The following MORC3 variants were observed in gnomAD, a reference collection of about 807,000 sequenced individuals.
The protein encoded by MORC3 is MORC family CW-type zinc finger protein 3.
Under a neutral mutation model 109.1 loss-of-function variants are expected in MORC3, and 31 were observed. The observed-to-expected ratio is 0.28, with a 90% CI of 0.21 to 0.38. MORC3 has a LOEUF of 0.38. MORC3 is among the 10% of genes least tolerant of loss of function. MORC3 has a pLI of 1.00. For missense variants in MORC3, 867 were observed against 1,135.8 expected, an observed-to-expected ratio of 0.76 and a Z score of 3.40; for synonymous variants, 395 against 380.7, an observed-to-expected ratio of 1.04 and a Z score of -0.44.
At chr21:36,339,031 C>A (rs2085406020) in intron 5 of MORC3, 110 bp downstream of exon 5, 3 of 1,252,644 alleles carry the variant, frequency 2.4e-6, no homozygotes, top group East Asian at 2.4e-5. Flanking sequence ...GAAAGGTACT[C>A]ATTTTTTGGT....
At chr21:36,353,291 A>G (rs2085596452) in intron 9 of MORC3, among the ~76,000 whole-genome samples, 2 of 129,834 alleles carry the variant, frequency 1.5e-5, no homozygotes, top group South Asian at 5.6e-4. Flanking sequence ...AGGGAGTCGG[A>G]GGTTGCAGTG....
intron 1 of MORC3, chr21:36,320,563 C>T (rs936275843): frequency 3.0e-5 from 10 of 330,822 alleles, no homozygotes; most frequent in African/African-American, 2.0e-4. Context: ...CTCCCAGCTC[C>T]CTCCTAGTCT....
intron 5 of MORC3, among the ~76,000 whole-genome samples, chr21:36,340,635 TTTC>T (rs1325565435): frequency 7.7e-5 from 7 of 91,486 alleles, no homozygotes; most frequent in Admixed American, 2.7e-4. Flanking sequence ...TCTTTCTTTC[TTTC>T]TTTTTTTTTT....
chr21:36,356,745 TA>T, intron 10 of MORC3, 21 bp downstream of exon 10: 1 of 1,414,608 alleles, frequency 7.1e-7, no homozygotes, highest in Non-Finnish European at 9.8e-7. Context: ...TTTTAAAACA[TA>T]TCATTTCACT....
intron 9 of MORC3, among the ~76,000 whole-genome samples, chr21:36,355,064 C>A (rs1463274326): frequency 6.6e-6 from 1 of 152,154 alleles, no homozygotes; most frequent in Non-Finnish European, 1.5e-5. Context: ...ACAGCTTTTT[C>A]TGTACTTAAT....
At chr21:36,362,798 A>G (rs896534850) in intron 13 of MORC3, among the ~76,000 whole-genome samples, 1 of 152,066 alleles carries the variant, frequency 6.6e-6, no homozygotes, top group Non-Finnish European at 1.5e-5. Context: ...CTTCTCTTGT[A>G]CTTCTGCTTG....
chr21:36,368,918 G>T (rs2085813241), intron 14 of MORC3, 70 bp from the exon 15 acceptor site: 5 of 1,339,164 alleles, frequency 3.7e-6, no homozygotes, highest in Non-Finnish European at 5.0e-6. Context: ...TTGTTAGAAT[G>T]ATTACTTCAA....
intron 15 of MORC3, among the ~76,000 whole-genome samples, chr21:36,370,824 A>G (rs113346422): frequency 0.047 from 7,056 of 151,260 alleles, 526 homozygotes; most frequent in African/African-American, 0.16. Flanking sequence ...ACATGCCACC[A>G]TGCCCGGCTA....
rs201094724 is a variant in MORC3, at chr21:36,360,258, C to G, written c.1406C>G (p.Thr469Ser). 5 of 1,612,326 alleles carry G rather than the reference C, an allele frequency of 3.1e-6. No individual in the cohort carries two copies. The African/African-American group carries it at 6.7e-5, about 22-fold the overall frequency. Residue 469 changes from threonine to serine, a missense_variant and splice_region_variant, in exon 12 of 17, where the codon ACC (threonine) becomes AGC (serine). By Grantham distance (58) the Thr-to-Ser change is moderately conservative. Coordinates refer to ENST00000400485, the MANE Select transcript of MORC3 (RefSeq NM_015358.3). The stretch of plus-strand genomic sequence containing the variant: ...ACTTATGAAAAAACCTACAAAAAGA[C>G]GTGAGTGTTGTATTGATGTATAGTG... ...HPTYEKTYKK[T>S]NKEKFRIRQP...
In MORC3 at chr21:36,369,368, T is replaced by A. The variant is rs750520648; in HGVS notation, c.2000T>A (p.Ile667Asn). The change falls in exon 15 of 17, where the codon ATT (isoleucine) becomes AAT (asparagine). Residue 667 changes from isoleucine to asparagine, a missense_variant. This residue lies in a region of MORC3 where 486 missense variants were observed against 502.1 expected (regional missense o/e 0.97). Coordinates refer to ENST00000400485, the MANE Select transcript of MORC3 (RefSeq NM_015358.3). ...DEIDVRNDAVILPSCVEAEAK... is the reference protein window; with the variant it reads ...DEIDVRNDAVNLPSCVEAEAK... The stretch of plus-strand genomic sequence containing the variant: ...ATAGACGTAAGAAATGATGCAGTGA[T>A]TCTGCCCTCCTGTGTAGAAGCTGAA... 6.2e-7 allele frequency: 1 copy of A among 1,614,210 alleles called. No individual in the cohort carries two copies.
At chr21:36,326,005 G>A (rs1411349951) in intron 1 of MORC3, among the ~76,000 whole-genome samples, 2 of 152,070 alleles carry the variant, frequency 1.3e-5, no homozygotes, top group Non-Finnish European at 2.9e-5. Flanking sequence ...TCAGGAGTTC[G>A]AGACCAGCCT....
chr21:36,372,226 A>G (rs151137262), intron 15 of MORC3, 148 bp from the exon 16 acceptor site: 11,857 of 602,548 alleles, frequency 0.02, 172 homozygotes, highest in Non-Finnish European at 0.024. Context: ...AGCCTTGTTT[A>G]TAGAAAACTA....
At chr21:36,347,061 C>T (rs2085517025) in intron 8 of MORC3, among the ~76,000 whole-genome samples, 2 of 150,176 alleles carry the variant, frequency 1.3e-5, no homozygotes, top group Non-Finnish European at 3.0e-5. Flanking sequence ...ATAGATGAAG[C>T]AAGTTGCTTA....
intron 6 of MORC3, among the ~76,000 whole-genome samples, chr21:36,342,526 C>T (rs2085460942): frequency 6.6e-6 from 1 of 152,078 alleles, no homozygotes; most frequent in Non-Finnish European, 1.5e-5. Context: ...CCTCAGCCTC[C>T]TGAGTAGCTG....
At chr21:36,339,153 CT>C in intron 5 of MORC3, 1 of 336,966 alleles carries the variant, frequency 3.0e-6, no homozygotes, top group South Asian at 6.3e-5. Flanking sequence ...AAGTCTCACT[CT>C]TGTTCCCCAG....
intron 2 of MORC3, 94 bp from the exon 3 acceptor site, chr21:36,336,780 A>G: frequency 1.6e-6 from 2 of 1,258,054 alleles, no homozygotes; most frequent in Non-Finnish European, 2.1e-6. Context: ...TTGTCTTAAA[A>G]CATAGTCTTC....
rs536555908 is a variant in MORC3 at position 36,324,498 on chromosome 21, T to C, written c.39+4195T>C. 4.7e-4 allele frequency among the ~76,000 whole-genome samples: 71 copies of C among 150,642 alleles called. No homozygotes were observed. In the East Asian group the frequency reaches 0.012, roughly 26 times the overall value. On this transcript the variant is annotated intron_variant, in intron 1 of 16. Transcript: ENST00000400485. ...TTCACCGTGTTAGCCAGGATGGTCT[T>C]GATCTCCTGACCTCGTGATCTGCCT...
intron 15 of MORC3, among the ~76,000 whole-genome samples, chr21:36,370,637 ATATTTTTTTTTTTTTTTTTTTTT>A (rs1332540608): frequency 1.3e-3 from 36 of 28,698 alleles, no homozygotes; most frequent in Non-Finnish European, 1.8e-3. Flanking sequence ...ATATATATAT[ATATTTTTTTTTTTTTTTTTTTTT>A]TTTTTTTTTT....
chr21:36,325,805 G>C (rs981798477), intron 1 of MORC3, among the ~76,000 whole-genome samples: 28 of 152,194 alleles, frequency 1.8e-4, no homozygotes, highest in Admixed American at 6.5e-4. Context: ...CCTGGAATGT[G>C]AATCATCCCT....
Sources: allele counts gnomAD v4.1 joint callset (sites outside exome capture counted in the v4.1 genomes callset), GRCh38; gene constraint gnomAD v4.1.1; regional missense constraint gnomAD v4.1.1; transcripts MANE v1.5; gene names NCBI Gene and HGNC (gene_info 2026-07-23, HGNC 2026-07-21).